TH: variants seen among roughly 807,000 people sequenced by gnomAD.
The protein encoded by TH is tyrosine hydroxylase, also known as tyrosine 3-monooxygenase.
A neutral mutation model predicts 57.4 loss-of-function variants in TH; 49 were observed. The ratio of observed to expected loss-of-function variants is 0.85; its 90% CI spans 0.68 to 1.08. TH has a LOEUF of 1.08. Ranked by LOEUF, TH falls within the 50% of genes least tolerant of loss-of-function variation. The pLI is 0.00. For synonymous variants in TH, 330 were observed against 304.5 expected (o/e 1.08, Z -0.87); for missense variants, 720 against 696.7 (o/e 1.03, Z -0.38).
Position 2,171,085 on chromosome 11 carries a change from G to GTAAA in TH, c.90+611_90+612insTTTA, listed in dbSNP as rs1846242047. 7.1e-6 allele frequency among the ~76,000 whole-genome samples: 1 copy of GTAAA among 140,788 alleles called. No homozygotes were observed. Among genetic ancestry groups the GTAAA allele is most frequent in the Non-Finnish European group, 1.6e-5 (1 of 61,842 alleles). 92.4% of individuals were successfully genotyped at this position (140,788 alleles called of 152,430 possible). On this transcript the variant is annotated intron_variant, in intron 1 of 12. Transcript: ENST00000352909. This position sits in a 1 kb window ranked among gnomAD's most constrained non-coding sequence, Gnocchi z 8.6. ...GGTCACAGGGAACACAGACTCCATGGTGAATGAATGAATGAATGAATGAAT... is the reference window on the plus strand; with the variant it reads ...GGTCACAGGGAACACAGACTCCATGGTAAATGAATGAATGAATGAATGAATGAAT...
intron 6 of TH, 155 bp downstream of exon 6, chr11:2,167,280 C>T (rs1399368031): frequency 1.9e-6 from 2 of 1,043,882 alleles, no homozygotes; most frequent in South Asian, 1.5e-5. Context: ...GCCTCTTCCT[C>T]CCAACCCAAC....
chr11:2,169,977 G>A, intron 1 of TH, 106 bp from the exon 2 acceptor site: 3 of 1,171,098 alleles, frequency 2.6e-6, no homozygotes, highest in African/African-American at 1.5e-5. Context: ...CACAGAGGCA[G>A]GGGATGAGAG....
Position 2,168,180 on chromosome 11 carries a change from C to T in TH, c.488-1G>A, listed in dbSNP as rs1285458218. ...GACACTTTTCTTGGGAACCAGGGGA[C>T]TTTATGGGTGATGGAGGAAGAGATC... On this transcript the variant is annotated splice_acceptor_variant, in intron 3 of 12. Coordinates refer to ENST00000352909, the MANE Select transcript of TH (RefSeq NM_000360.4). LOFTEE classifies it high-confidence loss of function. The T allele has an allele frequency of 1.9e-6, 3 of 1,613,322 alleles. No homozygotes were observed. In the East Asian group the frequency reaches 6.7e-5, roughly 36 times the overall value.
chr11:2,166,995 T>G lies in TH; in HGVS notation c.733A>C (p.Thr245Pro), dbSNP rs28934581. 11 of 1,589,648 alleles carry G rather than the reference T, an allele frequency of 6.9e-6. No individual in the cohort carries two copies. The highest frequency in any genetic ancestry group is 9.4e-6 in the Non-Finnish European group (11 of 1,168,492). ...TCCAGGTGCTCCCCGCAGGCGTGCGTGGCGTAGAGGCCCTTCAGCGTGGTG... is the reference window on the plus strand; with the variant it reads ...TCCAGGTGCTCCCCGCAGGCGTGCGGGGCGTAGAGGCCCTTCAGCGTGGTG... The part of the protein sequence containing the change: ...VYTTLKGLYA[T>P]HACGEHLEAF... The change falls in exon 7 of 13, where the codon ACG becomes CCG. Residue 245 changes from threonine to proline, a missense_variant. Coordinates refer to ENST00000352909, the MANE Select transcript of TH (RefSeq NM_000360.4).
intron 11 of TH, 150 bp downstream of exon 11, chr11:2,165,518 G>T: frequency 7.3e-7 from 1 of 1,369,306 alleles, no homozygotes; most frequent in African/African-American, 1.4e-5. Context: ...TGTGGGGTGA[G>T]GACTGGGCAG....
chr11:2,169,971 G>C, intron 1 of TH, 100 bp from the exon 2 acceptor site: 9 of 1,235,238 alleles, frequency 7.3e-6, no homozygotes, highest in South Asian at 2.6e-5. Flanking sequence ...ATGGCACACA[G>C]AGGCAGGGGA....
Position 2,168,098 on chromosome 11 carries a change from T to A in TH, c.569A>T (p.Asp190Val). Reference protein sequence around the residue: ...VTKFDPDLDLDHPGFSDQVYR... With the variant: ...VTKFDPDLDLVHPGFSDQVYR... ...GAGGGGCGCACCACTCACCGGGTGG[T>A]CCAAGTCCAGGTCAGGGTCGAACTT... The change falls in exon 4 of 13, where the codon GAC becomes GTC. Residue 190 changes from aspartate to valine, a missense_variant. Asp to Val is a radical substitution (Grantham distance 152). Coordinates refer to ENST00000352909, the MANE Select transcript of TH (RefSeq NM_000360.4). The A allele has an allele frequency of 6.2e-7, 1 of 1,613,378 alleles. No individual in the cohort carries two copies. The highest frequency in any genetic ancestry group is 8.5e-7 in the Non-Finnish European group (1 of 1,179,990).
chr11:2,165,043 C>G (rs1474660911), intron 12 of TH, among the ~76,000 whole-genome samples, 189 bp downstream of exon 12: 2 of 152,188 alleles, frequency 1.3e-5, no homozygotes, highest in Non-Finnish European at 2.9e-5. Context: ...GTAGGTCTGC[C>G]CCTCCCCAGA....
chr11:2,171,672 G>A lies in TH; in HGVS notation c.90+25C>T, dbSNP rs377047266. ...CCCTGGGCTCCGGTCCACTGCGGCC[G>A]CCGGGCACCTACCTGCCCTCTTACC... On this transcript the variant is annotated intron_variant, in intron 1 of 12. Coordinates refer to ENST00000352909, the MANE Select transcript of TH (RefSeq NM_000360.4). The surrounding 1 kb of genome is among the most constrained non-coding windows in gnomAD (Gnocchi z 8.6). 21 of 1,607,686 alleles carry A rather than the reference G, an allele frequency of 1.3e-5. No individual in the cohort carries two copies. The highest frequency in any genetic ancestry group is 7.7e-5 in the South Asian group (7 of 90,976).
chr11:2,166,814 G>A, intron 7 of TH, 46 bp from the exon 8 acceptor site: 3 of 1,552,550 alleles, frequency 1.9e-6, no homozygotes, highest in Non-Finnish European at 2.6e-6. Flanking sequence ...ACGGGCTGGA[G>A]CCGCGCTGGG....
intron 7 of TH, 32 bp from the exon 8 acceptor site, chr11:2,166,800 C>G (rs1315471696): frequency 1.3e-6 from 2 of 1,548,488 alleles, no homozygotes; most frequent in Non-Finnish European, 1.7e-6. Flanking sequence ...ACTGCCGAGC[C>G]GGGACGGGCT....
chr11:2,169,679 C>T lies in TH; in HGVS notation c.283G>A (p.Ala95Thr). ...AACACCTTCACAGCTCGGGACAGCG[C>T]CGAGGGCTTGGTGGCCCTCGGGGAG... ...LFSPRATKPS[A>T]LSRAVKVFET... Residue 95 changes from alanine (A) to threonine (T), a missense_variant, in exon 2 of 13, where the codon GCG becomes ACG. By Grantham distance (58) the Ala-to-Thr change is moderately conservative. Transcript: ENST00000352909. 1 of 1,613,478 alleles carries T rather than the reference C, an allele frequency of 6.2e-7. No individual in the cohort carries two copies. Among genetic ancestry groups the T allele is most frequent in the Non-Finnish European group, 8.5e-7 (1 of 1,179,944 alleles).
Position 2,166,051 on chromosome 11 carries a change from C to T in TH, c.1055G>A (p.Gly352Asp). 6.4e-7 allele frequency: 1 copy of T among 1,556,566 alleles called. No homozygotes were observed. The highest frequency in any genetic ancestry group is 8.7e-7 in the Non-Finnish European group (1 of 1,149,862). The part of the protein sequence containing the change: ...RTFAQFSQDI[G>D]LASLGASDEE... ...ATCCGAGGCCCCCAGGGACGCCAGG[C>T]CAATGTCCTGTGGAGCAGGGAGGAT... The change falls in exon 10 of 13, where the codon GGC becomes GAC. Residue 352 changes from glycine to aspartate, a missense_variant. Physicochemically the swap from Gly to Asp is moderately conservative, Grantham distance 94 (BLOSUM62 -1). Coordinates refer to ENST00000352909, the MANE Select transcript of TH (RefSeq NM_000360.4).
intron 12 of TH, among the ~76,000 whole-genome samples, chr11:2,164,798 G>T (rs1846040148): frequency 6.6e-6 from 1 of 152,100 alleles, no homozygotes; most frequent in Non-Finnish European, 1.5e-5. Flanking sequence ...TGAGGATGAG[G>T]CTAGAGGGCT....
chr11:2,167,033 C>G lies in TH; in HGVS notation c.696-1G>C. Reference sequence around the variant, plus strand: ...CTTCAGCGTGGTGTAGACCTCCTTCCTGCGGGCAGCCAGGCTCAGGGCCCT... The same window carrying G: ...CTTCAGCGTGGTGTAGACCTCCTTCGTGCGGGCAGCCAGGCTCAGGGCCCT... On this transcript the variant is annotated splice_acceptor_variant, in intron 6 of 12. Transcript: ENST00000352909. LOFTEE classifies it high-confidence loss of function. 6.3e-7 allele frequency: 1 copy of G among 1,578,098 alleles called. No individual in the cohort carries two copies.
Position 2,169,638 on chromosome 11 carries a change from C to T in TH, c.312+12G>A. The T allele has an allele frequency of 2.5e-6, 4 of 1,613,246 alleles. No homozygotes were observed. Among genetic ancestry groups the T allele is most frequent in the Non-Finnish European group, 1.7e-6 (2 of 1,179,716 alleles). On this transcript the variant is annotated intron_variant, in intron 2 of 12. Transcript: ENST00000352909. ...TGAACTTGCCCCAGGGACACGAAGG[C>T]CACCAGCTCACCTCAAACACCTTCA...
Position 2,165,357 on chromosome 11 carries a change from C to T in TH, c.1209G>A (p.Leu403=), listed in dbSNP as rs1255096793. The part of the protein sequence containing the change: ...LSSYGELLHC[L]SEEPEIRAFD... ...AGGCCCGAATCTCAGGCTCCTCAGA[C>T]AGGCAGTGCTGGCAGGAGGCCAATG... Residue 403 remains leucine (L), a synonymous_variant, in exon 12 of 13, where the codon CTG becomes CTA. Coordinates refer to ENST00000352909, the MANE Select transcript of TH (RefSeq NM_000360.4). 5.0e-6 allele frequency: 8 copies of T among 1,610,672 alleles called. No individual in the cohort carries two copies. The highest frequency in any genetic ancestry group is 5.9e-6 in the Non-Finnish European group (7 of 1,180,006).
chr11:2,165,562 T>C, intron 11 of TH, 106 bp downstream of exon 11: 1 of 1,376,022 alleles, frequency 7.3e-7, no homozygotes, highest in Non-Finnish European at 1.0e-6. Context: ...GCCTGAGTCC[T>C]GGAGGTCCAG....
Position 2,170,606 on chromosome 11 carries a change from G to T in TH, c.91-735C>A. 1 of 1,223,758 alleles carries T rather than the reference G, an allele frequency of 8.2e-7. No homozygotes were observed. 75.8% of individuals were successfully genotyped at this position (1,223,758 alleles called of 1,614,324 possible). A position where few individuals can be genotyped will look rare whatever the true frequency, so the allele number is the denominator to read the frequency against. On this transcript the variant is annotated intron_variant, in intron 1 of 12. Coordinates refer to ENST00000352909, the MANE Select transcript of TH (RefSeq NM_000360.4). This position sits in a 1 kb window ranked among gnomAD's most constrained non-coding sequence, Gnocchi z 6.0. ...AGGCTCTGGGCCCCTTGTAAGAGAA[G>T]AATCAGCTTCATCCTGAGCTTCCAG...
Sources: allele counts gnomAD v4.1 joint callset (sites outside exome capture counted in the v4.1 genomes callset), GRCh38; gene constraint gnomAD v4.1.1; non-coding constraint Gnocchi (gnomAD v3.1); transcripts MANE v1.5; gene names NCBI Gene and HGNC (gene_info 2026-07-23, HGNC 2026-07-21).